The following TMOD2 variants were observed in gnomAD, a reference collection of about 807,000 sequenced individuals.
TMOD2 encodes the protein tropomodulin 2.
A neutral mutation model predicts 39.9 loss-of-function variants in TMOD2; 22 were observed. The ratio of observed to expected loss-of-function variants is 0.55; its 90% CI spans 0.39 to 0.79. TMOD2 has a LOEUF of 0.79. Among genes scored for constraint, TMOD2 ranks in the 30% least tolerant of loss-of-function variants. The probability of loss-of-function intolerance (pLI) is 0.00; values close to 1 mark genes in which losing one functional copy is unlikely to be tolerated. For synonymous variants in TMOD2, 123 were observed against 146.1 expected (o/e 0.84, Z 1.14); for missense variants, 386 against 413.3 (o/e 0.93, Z 0.57).
intron 8 of TMOD2, among the ~76,000 whole-genome samples, chr15:51,802,075 C>G (rs2056094207): frequency 6.6e-6 from 1 of 151,362 alleles, no homozygotes; most frequent in Non-Finnish European, 1.5e-5. Flanking sequence ...TATGTAAGAC[C>G]TCAAATCCAA....
At chr15:51,771,983 C>T (rs949254357) in intron 3 of TMOD2, among the ~76,000 whole-genome samples, 5 of 152,150 alleles carry the variant, frequency 3.3e-5, no homozygotes, top group African/African-American at 1.2e-4. Context: ...CAAGCAGTGC[C>T]TTTCTTTCCT....
chr15:51,783,887 T>C (rs182534461), intron 7 of TMOD2: 6 of 152,380 alleles, frequency 3.9e-5, no homozygotes, highest in East Asian at 1.9e-4. Flanking sequence ...TAAATACTTA[T>C]ACCATCACTA....
At chr15:51,776,748 G>A (rs2055891796) in intron 4 of TMOD2, among the ~76,000 whole-genome samples, 184 bp from the exon 5 acceptor site, 2 of 152,152 alleles carry the variant, frequency 1.3e-5, no homozygotes, top group Non-Finnish European at 2.9e-5. Flanking sequence ...ATTTCTGGTG[G>A]TCTTGAAAGG....
chr15:51,751,813 G>A (rs2055705554), intron 1 of TMOD2, 101 bp downstream of exon 1: 1 of 150,498 alleles, frequency 6.6e-6, no homozygotes, highest in South Asian at 2.1e-4. Flanking sequence ...CTGCCCGCGG[G>A]AGGATGCTCC....
intron 8 of TMOD2, among the ~76,000 whole-genome samples, chr15:51,800,101 T>C (rs2141640565): frequency 1.3e-5 from 2 of 152,354 alleles, no homozygotes; most frequent in African/African-American, 4.8e-5. Flanking sequence ...AAAAAATTAT[T>C]TGTTGTTTAT....
intron 1 of TMOD2, among the ~76,000 whole-genome samples, chr15:51,755,466 C>T (rs916052574): frequency 2.0e-5 from 3 of 152,210 alleles, no homozygotes; most frequent in African/African-American, 7.2e-5. Context: ...AGAAAGTCAA[C>T]TCCAGGACTG....
At chr15:51,789,428 A>G (rs2055994042) in intron 7 of TMOD2, among the ~76,000 whole-genome samples, 2 of 152,352 alleles carry the variant, frequency 1.3e-5, no homozygotes, top group South Asian at 2.1e-4. Flanking sequence ...TTAACACCCC[A>G]CTGTCAATAT....
intron 1 of TMOD2, among the ~76,000 whole-genome samples, chr15:51,760,456 C>A (rs1285493211): frequency 6.6e-6 from 1 of 152,124 alleles, no homozygotes; most frequent in Non-Finnish European, 1.5e-5. Flanking sequence ...TTTTAAGAGT[C>A]CTTTGGATTA....
intron 1 of TMOD2, among the ~76,000 whole-genome samples, chr15:51,753,758 GAA>G (rs527755218): frequency 1.6e-5 from 2 of 123,150 alleles, no homozygotes; most frequent in East Asian, 2.3e-4. Flanking sequence ...AGCTGTGTCA[GAA>G]AAAAAAAAAA....
rs139335861 is a variant in TMOD2, at chr15:51,813,276, C to G, written c.*4822C>G. On this transcript the variant is annotated 3_prime_UTR_variant, in exon 10 of 10. Transcript: ENST00000249700. The stretch of plus-strand genomic sequence containing the variant: ...TAGCAATGACTGAATAATCAGTAGA[C>G]CAATGGAAGAGGAGTTGCAAGTTTA... 1 of 152,198 alleles carries G rather than the reference C, an allele frequency of 6.6e-6. No homozygotes were observed. The highest frequency in any genetic ancestry group is 2.4e-5 in the African/African-American group (1 of 41,440). 9.4% of individuals were successfully genotyped at this position (152,198 alleles called of 1,614,324 possible). A position where few individuals can be genotyped will look rare whatever the true frequency, so the allele number is the denominator to read the frequency against.
At chr15:51,785,269 G>C (rs928853923) in intron 7 of TMOD2, among the ~76,000 whole-genome samples, 2 of 151,928 alleles carry the variant, frequency 1.3e-5, no homozygotes, top group Non-Finnish European at 2.9e-5. Flanking sequence ...AAAATTAGCC[G>C]GGCGCGGTGG....
chr15:51,813,014 T>C lies in TMOD2; in HGVS notation c.*4560T>C, dbSNP rs1230794060. On this transcript the variant is annotated 3_prime_UTR_variant, in exon 10 of 10. Transcript: ENST00000249700. The stretch of plus-strand genomic sequence containing the variant: ...AGCCCACTGGATGAAAATCAGACGA[T>C]AGGGCCTCCTGTTGTAATATACTAG... The C allele has an allele frequency of 2.0e-5, 3 of 152,222 alleles. No homozygotes were observed. The highest frequency in any genetic ancestry group is 6.5e-5 in the Admixed American group (1 of 15,274). The allele number at this position is 152,222 out of a possible 1,614,324, so 9.4% of individuals were successfully genotyped here.
intron 1 of TMOD2, among the ~76,000 whole-genome samples, chr15:51,761,046 C>G (rs1385083488): frequency 6.6e-6 from 1 of 152,050 alleles, no homozygotes; most frequent in African/African-American, 2.4e-5. Context: ...GCTAGATTGT[C>G]TGGATTTCAT....
At chr15:51,766,642 G>T in intron 2 of TMOD2, 75 bp downstream of exon 2, 1 of 1,473,804 alleles carries the variant, frequency 6.8e-7, no homozygotes, top group Non-Finnish European at 9.3e-7. Flanking sequence ...CTTAAACAAT[G>T]GTAGAAATCC....
intron 7 of TMOD2, among the ~76,000 whole-genome samples, chr15:51,785,252 A>G (rs1424143251): frequency 6.6e-6 from 1 of 151,932 alleles, no homozygotes; most frequent in Admixed American, 6.6e-5. Flanking sequence ...CTCTACTAAA[A>G]ATACAAAAAA....
At chr15:51,753,325 G>T (rs2055720130) in intron 1 of TMOD2, among the ~76,000 whole-genome samples, 1 of 152,130 alleles carries the variant, frequency 6.6e-6, no homozygotes, top group South Asian at 2.1e-4. Context: ...CCTTACAATG[G>T]AGAAATTAGG....
chr15:51,762,316 C>G (rs779528753), intron 1 of TMOD2, among the ~76,000 whole-genome samples: 1 of 151,602 alleles, frequency 6.6e-6, no homozygotes, highest in Admixed American at 6.6e-5. Flanking sequence ...AAAAATAGCC[C>G]GGCATGGTGG....
At chr15:51,771,339 C>T (rs543411540) in intron 3 of TMOD2, among the ~76,000 whole-genome samples, 1 of 152,360 alleles carries the variant, frequency 6.6e-6, no homozygotes, top group South Asian at 2.1e-4. Context: ...AACCACAGTT[C>T]TGAACACTAT....
In TMOD2 at chr15:51,810,281, A is replaced by T. The variant is rs1470446132; in HGVS notation, c.*1827A>T. 2 of 152,212 alleles carry T rather than the reference A, an allele frequency of 1.3e-5. No individual in the cohort carries two copies. Among genetic ancestry groups the T allele is most frequent in the Non-Finnish European group, 2.9e-5 (2 of 68,044 alleles). The allele number at this position is 152,212 out of a possible 1,614,324, so 9.4% of individuals were successfully genotyped here. On this transcript the variant is annotated 3_prime_UTR_variant, in exon 10 of 10. Coordinates refer to ENST00000249700, the MANE Select transcript of TMOD2 (RefSeq NM_014548.4). ...TACAGCCATTATTTAAAATTAAATG[A>T]TGTGCACTTACAACTGAATGAATTA...
Sources: allele counts gnomAD v4.1 joint callset (sites outside exome capture counted in the v4.1 genomes callset), GRCh38; gene constraint gnomAD v4.1.1; transcripts MANE v1.5; gene names NCBI Gene and HGNC (gene_info 2026-07-23, HGNC 2026-07-21).